The following DLGAP1 variants were observed in gnomAD, a reference collection of about 807,000 sequenced individuals.
DLGAP1 encodes the protein DLG associated protein 1.
Under a neutral mutation model 90.8 loss-of-function variants are expected in DLGAP1, and 11 were observed. The ratio of observed to expected loss-of-function variants is 0.12; its 90% confidence interval spans 0.08 to 0.20. The LOEUF (loss-of-function observed/expected upper bound fraction) is 0.20, where lower values mean the gene tolerates loss of function less well. DLGAP1 is among the 10% of genes least tolerant of loss of function. The pLI is 1.00. For synonymous variants in DLGAP1, 558 were observed against 540.7 expected, an observed-to-expected ratio of 1.03 and a Z score of -0.44; for missense variants, 1,050 against 1,333.8, an observed-to-expected ratio of 0.79 and a Z score of 3.31.
intron 7 of DLGAP1, among the ~76,000 whole-genome samples, chr18:3,624,019 C>T (rs978829154): frequency 2.0e-5 from 3 of 152,114 alleles, no homozygotes; most frequent in Non-Finnish European, 2.9e-5. Context: ...CACATTCCAC[C>T]GCTCCAGCAG....
chr18:3,872,300 C>G (rs915615827), intron 4 of DLGAP1, among the ~76,000 whole-genome samples: 34 of 149,618 alleles, frequency 2.3e-4, no homozygotes, highest in African/African-American at 7.8e-4. Context: ...TTATGCCTTT[C>G]TTTACACAAT....
chr18:4,128,898 A>AT (rs200643247), intron 2 of DLGAP1, among the ~76,000 whole-genome samples: 79 of 150,266 alleles, frequency 5.3e-4, no homozygotes, highest in African/African-American at 1.7e-3. Context: ...AAACACCGGC[A>AT]TTTTTTTTTT....
chr18:3,511,748 C>T (rs1390826167), intron 10 of DLGAP1, among the ~76,000 whole-genome samples: 2 of 152,090 alleles, frequency 1.3e-5, no homozygotes, highest in Non-Finnish European at 2.9e-5. Flanking sequence ...TTTTCTTTTT[C>T]CCTTTTCTCT....
chr18:4,440,934 A>G (rs56316500), intron 1 of DLGAP1, among the ~76,000 whole-genome samples: 5,527 of 152,354 alleles, frequency 0.036, 207 homozygotes, highest in African/African-American at 0.097. Flanking sequence ...GGGTACAACA[A>G]TGTTGATTTA....
intron 1 of DLGAP1, among the ~76,000 whole-genome samples, chr18:4,389,518 A>C (rs1256009486): frequency 6.6e-6 from 1 of 152,228 alleles, no homozygotes; most frequent in East Asian, 1.9e-4. Context: ...TGTTCTGTGT[A>C]ATTTACTACA....
At chr18:3,647,490 G>A (rs1298593426) in intron 7 of DLGAP1, among the ~76,000 whole-genome samples, 4 of 145,570 alleles carry the variant, frequency 2.7e-5, no homozygotes, top group South Asian at 4.3e-4. Context: ...TTTTTAAACC[G>A]AGACTTGCTC....
intron 1 of DLGAP1, among the ~76,000 whole-genome samples, chr18:4,217,536 G>A (rs1027840824): frequency 6.6e-6 from 1 of 151,970 alleles, no homozygotes; most frequent in African/African-American, 2.4e-5. Context: ...TGGTACTGCA[G>A]TTCTTTAATG....
At chr18:4,161,236 C>A (rs982222969) in intron 1 of DLGAP1, among the ~76,000 whole-genome samples, 2 of 152,056 alleles carry the variant, frequency 1.3e-5, no homozygotes, top group East Asian at 3.9e-4. Context: ...CTCCCTCCCG[C>A]CACCTTTCCC....
At position 4,108,445 on chromosome 18, in the gene DLGAP1, T is replaced by A. The variant is rs528610830; in HGVS notation, c.-159+42735A>T. Among the ~76,000 whole-genome samples the A allele has an allele frequency of 1.3e-5, 2 of 152,258 alleles. 1 individual carries two copies. The highest frequency in any genetic ancestry group is 4.2e-4 in the South Asian group (2 of 4,816). On this transcript the variant is annotated intron_variant, in intron 2 of 12. Coordinates refer to ENST00000315677, the MANE Select transcript of DLGAP1 (RefSeq NM_004746.4). ...AATAAGTCTGTATGTTTTGCTCTTG[T>A]TCATCTCTCTTTTGTTATAGGGGTC... is the stretch of plus-strand genomic sequence containing the variant.
intron 5 of DLGAP1, among the ~76,000 whole-genome samples, chr18:3,793,399 C>G (rs1162523472): frequency 1.3e-5 from 2 of 152,208 alleles, no homozygotes; most frequent in Non-Finnish European, 2.9e-5. Flanking sequence ...GATAGAGCAG[C>G]CAGATTTATT....
Position 3,664,585 on chromosome 18 carries a change from T to C in DLGAP1, c.1591+64550A>G, listed in dbSNP as rs554960235. Among the ~76,000 whole-genome samples the C allele has an allele frequency of 5.9e-5, 9 of 152,146 alleles. No individual in the cohort carries two copies. In the South Asian group the frequency reaches 1.9e-3, roughly 32 times the overall value. On this transcript the variant is annotated intron_variant, in intron 7 of 12. Coordinates refer to ENST00000315677, the MANE Select transcript of DLGAP1 (RefSeq NM_004746.4). ...CTTTGACTCTTAGCTAATGAGGATT[T>C]TCTCAGGGAAGTTCTCCCTGAGCCT...
chr18:4,349,580 T>C (rs73941449), intron 1 of DLGAP1, among the ~76,000 whole-genome samples: 44,958 of 151,488 alleles, frequency 0.3, 7,551 homozygotes, highest in South Asian at 0.45. Flanking sequence ...ATTTACAAAG[T>C]TTACTGTTCT....
Position 3,660,104 on chromosome 18 carries a change from C to T in DLGAP1, c.1591+69031G>A, listed in dbSNP as rs2059636943. Among the ~76,000 whole-genome samples, 1 of 152,134 alleles carries T rather than the reference C, an allele frequency of 6.6e-6. No homozygotes were observed. The highest frequency in any genetic ancestry group is 6.5e-5 in the Admixed American group (1 of 15,272). Reference sequence around the variant, plus strand: ...TTCCTCAGAGAGTCTTCCTTGATTACTATATTTAGAGCAGGCCAGAAATAA... The same window carrying T: ...TTCCTCAGAGAGTCTTCCTTGATTATTATATTTAGAGCAGGCCAGAAATAA... On this transcript the variant is annotated intron_variant, in intron 7 of 12. Coordinates refer to ENST00000315677, the MANE Select transcript of DLGAP1 (RefSeq NM_004746.4). The surrounding 1 kb of genome is among the most constrained non-coding windows in gnomAD (Gnocchi z 4.2).
chr18:3,906,659 G>C (rs1382670329), intron 3 of DLGAP1, among the ~76,000 whole-genome samples: 1 of 152,208 alleles, frequency 6.6e-6, no homozygotes, highest in African/African-American at 2.4e-5. Flanking sequence ...CTGTGTAAAG[G>C]TTGGATAGAC....
intron 1 of DLGAP1, among the ~76,000 whole-genome samples, chr18:4,376,697 C>T (rs553745748): frequency 7.2e-5 from 11 of 152,220 alleles, no homozygotes; most frequent in East Asian, 1.9e-4. Context: ...ATTTCAAGAA[C>T]GATTCTGAGC....
At chr18:4,429,325 T>G (rs2144736837) in intron 1 of DLGAP1, among the ~76,000 whole-genome samples, 1 of 152,316 alleles carries the variant, frequency 6.6e-6, no homozygotes, top group East Asian at 1.9e-4. Flanking sequence ...CAGCCACCAC[T>G]TGGAAGGTGT....
intron 3 of DLGAP1, among the ~76,000 whole-genome samples, chr18:3,941,773 C>T (rs1378955510): frequency 2.6e-5 from 4 of 152,138 alleles, no homozygotes; most frequent in African/African-American, 9.6e-5. Context: ...AGTGCAATGG[C>T]ATGATCACAG....
rs116886253 is a variant in DLGAP1 at position 4,314,068 on chromosome 18, T to A, written c.-267+140938A>T. 3.9e-5 allele frequency among the ~76,000 whole-genome samples: 6 copies of A among 152,294 alleles called. No homozygotes were observed. In the East Asian group the frequency reaches 9.7e-4, roughly 25 times the overall value. On this transcript the variant is annotated intron_variant, in intron 1 of 12. Transcript: ENST00000315677. ...AGTGGAGAGAGGAGAGGCATCTTTG[T>A]GAGCTAAAGAAAGACCCCCTTCCTC...
At chr18:3,621,560 C>T (rs554240427) in intron 7 of DLGAP1, among the ~76,000 whole-genome samples, 55 of 152,316 alleles carry the variant, frequency 3.6e-4, no homozygotes, top group Admixed American at 3.0e-3. Context: ...CTGTTCAAAC[C>T]GTGTTCAAAT....
Sources: allele counts gnomAD v4.1 joint callset (sites outside exome capture counted in the v4.1 genomes callset), GRCh38; gene constraint gnomAD v4.1.1; non-coding constraint Gnocchi (gnomAD v3.1); transcripts MANE v1.5; gene names NCBI Gene and HGNC (gene_info 2026-07-23, HGNC 2026-07-21).